RBFOX2: variants seen among roughly 807,000 people sequenced by gnomAD.
The protein encoded by RBFOX2 is RNA binding fox-1 homolog 2, also known as RNA binding protein fox-1 homolog 2.
A neutral mutation model predicts 49.1 loss-of-function variants in RBFOX2; 10 were observed. That is an observed-to-expected ratio of 0.20 (90% CI 0.13 to 0.35). The LOEUF is 0.35. Among genes scored for constraint, RBFOX2 ranks in the 10% least tolerant of loss-of-function variants. The probability of loss-of-function intolerance (pLI) is 1.00; values close to 1 mark genes in which losing one functional copy is unlikely to be tolerated. For missense variants in RBFOX2, 323 were observed against 486.9 expected (o/e 0.66, Z 3.17); for synonymous variants, 183 against 187.4 (o/e 0.98, Z 0.19).
chr22:35,978,306 GTATA>G (rs1019481440), intron 1 of RBFOX2, among the ~76,000 whole-genome samples: 8 of 152,094 alleles, frequency 5.3e-5, no homozygotes, highest in Non-Finnish European at 1.0e-4. Context: ...CATCATGCAT[GTATA>G]TATACGTATA....
upstream of RBFOX2, among the ~76,000 whole-genome samples, chr22:35,941,541 G>A (rs1005888100): frequency 6.6e-6 from 1 of 151,988 alleles, no homozygotes; most frequent in Non-Finnish European, 1.5e-5. Flanking sequence ...ATTTTTCCAG[G>A]TTCTCATCCC....
intron 1 of RBFOX2, among the ~76,000 whole-genome samples, chr22:35,884,499 A>T (rs1276653777): frequency 6.6e-6 from 1 of 151,786 alleles, no homozygotes; most frequent in Admixed American, 6.6e-5. Flanking sequence ...CACCAAACTC[A>T]CTCACCTGGC....
At chr22:35,861,590 T>C (rs1435622917) in intron 1 of RBFOX2, among the ~76,000 whole-genome samples, 12 of 152,192 alleles carry the variant, frequency 7.9e-5, no homozygotes, top group Non-Finnish European at 1.0e-4. Context: ...TTAGAACCTA[T>C]TAGTATGATA....
chr22:35,898,576 C>T (rs2048166278), intron 1 of RBFOX2, among the ~76,000 whole-genome samples: 1 of 151,914 alleles, frequency 6.6e-6, no homozygotes, highest in South Asian at 2.1e-4. Context: ...CAGGCACACG[C>T]CACCACGCCT....
intron 1 of RBFOX2, among the ~76,000 whole-genome samples, chr22:35,961,409 A>AT (rs1569513135): frequency 1.3e-5 from 2 of 151,824 alleles, no homozygotes; most frequent in South Asian, 4.2e-4. Flanking sequence ...TGGTTTCCAG[A>AT]TTTTTTTTTA....
intron 1 of RBFOX2, among the ~76,000 whole-genome samples, chr22:35,872,235 C>T (rs887156802): frequency 6.6e-5 from 10 of 152,254 alleles, no homozygotes; most frequent in Admixed American, 4.6e-4. Context: ...TTCAGTGCCC[C>T]GTTGCTCAAA....
At chr22:35,821,939 CCTT>C (rs1480194070) in intron 1 of RBFOX2, 1 of 518,984 alleles carries the variant, frequency 1.9e-6, no homozygotes, top group Non-Finnish European at 3.8e-6. Context: ...CCTCTTCACA[CCTT>C]CTTTGGATGG....
intron 9 of RBFOX2, among the ~76,000 whole-genome samples, chr22:35,756,514 C>G (rs1388845582): frequency 6.6e-6 from 1 of 151,998 alleles, no homozygotes; most frequent in African/African-American, 2.4e-5. Context: ...TAAGCTTGCC[C>G]TAGGAGGAAG....
exon 3 of RBFOX2, chr22:35,781,645 A>G: frequency 1.2e-6 from 2 of 1,614,228 alleles, no homozygotes; most frequent in Non-Finnish European, 1.7e-6. Context: ...GGAAAGGAAT[A>G]TTAGAGACAT....
intron 1 of RBFOX2, among the ~76,000 whole-genome samples, chr22:36,016,847 G>GT (rs1246543286): frequency 1.3e-5 from 2 of 152,210 alleles, no homozygotes; most frequent in African/African-American, 2.4e-5. Flanking sequence ...TAGATGCCAC[G>GT]TAAGTGCAGG....
chr22:35,834,895 T>A (rs1313163840), intron 1 of RBFOX2, among the ~76,000 whole-genome samples: 1 of 152,170 alleles, frequency 6.6e-6, no homozygotes, highest in African/African-American at 2.4e-5. Context: ...CAGACTTGCA[T>A]TTTAAATGAT....
chr22:35,792,864 T>A (rs1948033293), intron 2 of RBFOX2, among the ~76,000 whole-genome samples: 1 of 152,250 alleles, frequency 6.6e-6, no homozygotes, highest in Non-Finnish European at 1.5e-5. Flanking sequence ...TTGCATAGTA[T>A]CTCAAAAAAC....
intron 1 of RBFOX2, among the ~76,000 whole-genome samples, chr22:36,002,084 A>AAAC (rs904790772): frequency 9.9e-5 from 15 of 152,198 alleles, no homozygotes; most frequent in East Asian, 1.9e-4. Flanking sequence ...AGAAAAAAGA[A>AAAC]AACAACAACA....
chr22:35,827,680 T>G lies in RBFOX2; in HGVS notation c.27+12512A>C, dbSNP rs1022584971. Among the ~76,000 whole-genome samples, 6 of 152,250 alleles carry G rather than the reference T, an allele frequency of 3.9e-5. No individual in the cohort carries two copies. In the East Asian group the frequency reaches 1.2e-3, roughly 29 times the overall value. ...CAACACTTTACTGACATCATTTTCA[T>G]GTAATTTACTGTATCCCACTTTGTA... On this transcript the variant is annotated intron_variant, in intron 1 of 11. Transcript: ENST00000405409.
At chr22:35,882,002 AGAAAT>A (rs888857880) in intron 1 of RBFOX2, among the ~76,000 whole-genome samples, 21 of 151,906 alleles carry the variant, frequency 1.4e-4, no homozygotes, top group African/African-American at 4.6e-4. Context: ...GAAAAAAAAA[AGAAAT>A]GAAAAGAAAA....
intron 1 of RBFOX2, among the ~76,000 whole-genome samples, chr22:35,969,537 G>A (rs1454564460): frequency 1.3e-5 from 2 of 152,104 alleles, no homozygotes; most frequent in Admixed American, 6.5e-5. Context: ...TCGCACCACT[G>A]CACTCCAGCC....
At chr22:35,968,032 G>A (rs889867424) in intron 1 of RBFOX2, among the ~76,000 whole-genome samples, 2 of 151,940 alleles carry the variant, frequency 1.3e-5, no homozygotes, top group South Asian at 2.1e-4. Flanking sequence ...CACACAACCC[G>A]AAACTTTTTC....
intron 1 of RBFOX2, among the ~76,000 whole-genome samples, chr22:36,006,249 C>T (rs555530059): frequency 3.9e-5 from 6 of 152,144 alleles, no homozygotes; most frequent in Non-Finnish European, 5.9e-5. Context: ...AAAATGCATG[C>T]CTGCATGGTA....
chr22:35,942,101 T>C (rs1313839538), upstream of RBFOX2, among the ~76,000 whole-genome samples: 9 of 152,218 alleles, frequency 5.9e-5, no homozygotes, highest in Admixed American at 2.6e-4. Context: ...TTATAAACTA[T>C]AAACATGTCA....
Sources: allele counts gnomAD v4.1 joint callset (sites outside exome capture counted in the v4.1 genomes callset), GRCh38; gene constraint gnomAD v4.1.1; transcripts MANE v1.5; gene names NCBI Gene and HGNC (gene_info 2026-07-23, HGNC 2026-07-21).